SPATA22: variants seen among roughly 807,000 people sequenced by gnomAD.
SPATA22 encodes spermatogenesis associated 22.
A neutral mutation model predicts 47.8 loss-of-function variants in SPATA22; 29 were observed. The ratio of observed to expected loss-of-function variants is 0.61; its 90% CI spans 0.45 to 0.83. SPATA22 has a LOEUF of 0.83. Ranked by LOEUF, SPATA22 falls within the 40% of genes least tolerant of loss-of-function variation. The pLI is 0.00. For synonymous variants in SPATA22, 133 were observed against 140.9 expected, an observed-to-expected ratio of 0.94 and a Z score of 0.40; for missense variants, 410 against 421.7, an observed-to-expected ratio of 0.97 and a Z score of 0.24.
At chr17:3,459,947 T>C (rs1046462045) in intron 5 of SPATA22, among the ~76,000 whole-genome samples, 1 of 152,222 alleles carries the variant, frequency 6.6e-6, no homozygotes, top group Non-Finnish European at 1.5e-5. Context: ...TTAAGTTATA[T>C]ACTATTTTAT....
At position 3,483,480 on chromosome 17, in the gene SPATA22, C is replaced by T. The variant is rs368425041; in HGVS notation, c.-73-14082G>A. 5.1e-5 allele frequency: 81 copies of T among 1,601,740 alleles called. No homozygotes were observed. The highest frequency in any genetic ancestry group is 5.4e-5 in the Non-Finnish European group (63 of 1,169,046). ...ACATACGGTTTTTACCTAAGAAAGA[C>T]GTTTTTGATTTTTTTCAGACTTCTC... On this transcript the variant is annotated intron_variant, in intron 1 of 8. Transcript: ENST00000541913.
chr17:3,476,622 A>G (rs2073527928), upstream of SPATA22, among the ~76,000 whole-genome samples: 1 of 150,042 alleles, frequency 6.7e-6, no homozygotes, highest in Non-Finnish European at 1.5e-5. Context: ...GCACCAGATT[A>G]TTAAGTTTTC....
intron 3 of SPATA22, among the ~76,000 whole-genome samples, chr17:3,465,127 C>G (rs1250487742): frequency 7.9e-6 from 1 of 126,008 alleles, no homozygotes; most frequent in Non-Finnish European, 1.7e-5. Context: ...CGTCTCCGCC[C>G]GGCAGCCACC....
chr17:3,465,066 T>A, intron 3 of SPATA22, among the ~76,000 whole-genome samples: 1 of 63,272 alleles, frequency 1.6e-5, no homozygotes, highest in Non-Finnish European at 3.4e-5. Context: ...GGGAGGGAGG[T>A]GGGGGGTCAG....
intron 1 of SPATA22, among the ~76,000 whole-genome samples, chr17:3,508,393 T>C (rs574689455): frequency 1.3e-5 from 2 of 152,108 alleles, no homozygotes; most frequent in East Asian, 3.9e-4. Context: ...AGCCATCCCA[T>C]GACTGGGTAT....
chr17:3,459,901 T>C (rs937233450), intron 5 of SPATA22, among the ~76,000 whole-genome samples: 2 of 152,186 alleles, frequency 1.3e-5, no homozygotes, highest in African/African-American at 4.8e-5. Flanking sequence ...TATATGGATA[T>C]TGGGGGCCTG....
chr17:3,471,485 C>T (rs2073433499), intron 1 of SPATA22, 197 bp downstream of exon 1: 1 of 985,268 alleles, frequency 1.0e-6, no homozygotes, highest in Admixed American at 6.1e-5. Flanking sequence ...GGGTTGGTGG[C>T]ATTGGTGTGC....
intron 1 of SPATA22, among the ~76,000 whole-genome samples, chr17:3,507,702 G>A (rs533598067): frequency 6.4e-4 from 98 of 152,268 alleles, no homozygotes; most frequent in South Asian, 1.5e-3. Context: ...ACTGGGATAC[G>A]ACACTCACCA....
intron 1 of SPATA22, among the ~76,000 whole-genome samples, chr17:3,496,613 A>G (rs1376316743): frequency 6.6e-6 from 1 of 152,202 alleles, no homozygotes; most frequent in African/African-American, 2.4e-5. Flanking sequence ...GGACCCGGTT[A>G]TGAGTCTAGA....
chr17:3,444,927 T>A (rs79551186), intron 7 of SPATA22, among the ~76,000 whole-genome samples: 5 of 151,994 alleles, frequency 3.3e-5, no homozygotes, highest in African/African-American at 9.7e-5. Flanking sequence ...TATAAAAGCA[T>A]GGACCCCCTT....
At chr17:3,480,016 C>T (rs2073599766) in intron 1 of SPATA22, among the ~76,000 whole-genome samples, 1 of 149,014 alleles carries the variant, frequency 6.7e-6, no homozygotes, top group South Asian at 2.1e-4. Context: ...TATATCTGTA[C>T]CTGCAAACTT....
upstream of SPATA22, chr17:3,476,272 G>C (rs1456006856): frequency 6.2e-7 from 1 of 1,614,158 alleles, no homozygotes; most frequent in Admixed American, 1.7e-5. Context: ...CTAGAGAATG[G>C]CGCTGAGATT....
intron 5 of SPATA22, among the ~76,000 whole-genome samples, chr17:3,453,318 A>T (rs1189101848): frequency 1.3e-5 from 2 of 152,192 alleles, no homozygotes; most frequent in African/African-American, 4.8e-5. Flanking sequence ...AAAATTATAC[A>T]CCATGATTAA....
intron 1 of SPATA22, chr17:3,503,423 G>C (rs1486249990): frequency 6.6e-6 from 1 of 152,058 alleles, no homozygotes; most frequent in Non-Finnish European, 1.5e-5. Context: ...GTAAAAATGT[G>C]ATTTATCAGC....
At chr17:3,468,372 T>C (rs1269015659) in intron 2 of SPATA22, 1 of 152,176 alleles carries the variant, frequency 6.6e-6, no homozygotes, top group African/African-American at 2.4e-5. Context: ...TTCCTAAATA[T>C]CAGTTTGGAT....
chr17:3,495,346 T>C (rs1299712303), intron 1 of SPATA22, among the ~76,000 whole-genome samples: 1 of 152,162 alleles, frequency 6.6e-6, no homozygotes, highest in Non-Finnish European at 1.5e-5. Context: ...TCTGAGATAC[T>C]CTGATCTTTT....
In SPATA22 at chr17:3,467,433, T is replaced by A. The variant is rs1347724103; in HGVS notation, c.165A>T (p.Leu55=). The change falls in exon 3 of 9, where the codon CTA becomes CTT. Residue 55 remains leucine, a synonymous_variant. Transcript: ENST00000572969. ...CCTTATTAATTTTCTTACCTGTAGG[T>A]AGAGGAGGAAAATCATAATTGTCAG... The part of the protein sequence containing the change: ...TPSDNYDFPP[L]PTDWAWEAVN... 6.3e-7 allele frequency: 1 copy of A among 1,595,122 alleles called. No homozygotes were observed. Among genetic ancestry groups the A allele is most frequent in the Admixed American group, 1.7e-5 (1 of 57,722 alleles).
intron 5 of SPATA22, among the ~76,000 whole-genome samples, chr17:3,450,031 T>G (rs2072820468): frequency 1.3e-5 from 2 of 152,282 alleles, no homozygotes; most frequent in South Asian, 4.1e-4. Context: ...TTTTGTTATT[T>G]TTTGTAGAGA....
intron 3 of SPATA22, among the ~76,000 whole-genome samples, chr17:3,464,041 G>T (rs975019812): frequency 3.3e-5 from 5 of 149,942 alleles, no homozygotes; most frequent in Admixed American, 6.7e-5. Context: ...GCCGAAGCTG[G>T]ACTGTACTGC....
Sources: gnomAD v4.1 joint callset for allele counts (sites outside exome capture counted in the v4.1 genomes callset) on GRCh38, gnomAD v4.1.1 for gene constraint, MANE v1.5 for transcripts, NCBI Gene and HGNC (gene_info 2026-07-23, HGNC 2026-07-21) for gene names.